COPS7B: variants seen among roughly 807,000 people sequenced by gnomAD.
COPS7B encodes COP9 signalosome subunit 7B.
Under a neutral mutation model 33.4 loss-of-function variants are expected in COPS7B, and 9 were observed. The observed-to-expected ratio is 0.27, with a 90% CI of 0.16 to 0.47. The LOEUF (loss-of-function observed/expected upper bound fraction) is 0.47, where lower values mean the gene tolerates loss of function less well. Among genes scored for constraint, COPS7B ranks in the 20% least tolerant of loss-of-function variants. COPS7B has a pLI of 0.99. For missense variants in COPS7B, 242 were observed against 318.2 expected (o/e 0.76, Z 1.82); for synonymous variants, 119 against 126.3 (o/e 0.94, Z 0.39).
At chr2:231,792,091 G>A in intron 3 of COPS7B, 1 of 604,520 alleles carries the variant, frequency 1.7e-6, no homozygotes, top group Non-Finnish European at 3.2e-6. Context: ...AGGGCTCTTG[G>A]AGTGCTGTGA....
chr2:231,807,591 G>A lies in COPS7B; in HGVS notation c.741G>A (p.Arg247=), dbSNP rs375373630. The change falls in exon 7 of 7, where the codon AGG becomes AGA. Residue 247 remains arginine (R), a synonymous_variant. Transcript: ENST00000350033. Reference sequence around the variant, plus strand: ...AGTGTCCCCCTCACGCTGAGCAGAGGCAGCCCACCAAGAAGATGTCCAAAG... The same window carrying A: ...AGTGTCCCCCTCACGCTGAGCAGAGACAGCCCACCAAGAAGATGTCCAAAG... The part of the protein sequence containing the change: ...ERECPPHAEQ[R]QPTKKMSKVK... The A allele has an allele frequency of 1.0e-5, 16 of 1,594,762 alleles. No homozygotes were observed. The African/African-American group carries it at 1.7e-4, about 17-fold the overall frequency.
chr2:231,787,246 A>G (rs1278277543), intron 1 of COPS7B, among the ~76,000 whole-genome samples: 1 of 152,078 alleles, frequency 6.6e-6, no homozygotes, highest in East Asian at 1.9e-4. Flanking sequence ...TTCTTAGGTA[A>G]CCCTAAGTGA....
intron 6 of COPS7B, among the ~76,000 whole-genome samples, chr2:231,803,746 C>G (rs1479237388): frequency 6.6e-6 from 1 of 152,202 alleles, no homozygotes; most frequent in African/African-American, 2.4e-5. Flanking sequence ...CCTTCTGTGA[C>G]TGCAGAAGGA....
At chr2:231,789,270 C>A (rs981635684) in intron 2 of COPS7B, 1 of 152,678 alleles carries the variant, frequency 6.5e-6, no homozygotes, top group African/African-American at 2.4e-5. Context: ...TTATTAAAAC[C>A]TTGGATATCC....
chr2:231,804,391 G>A lies in COPS7B; in HGVS notation c.637-3096G>A, dbSNP rs192238799. 1.7e-3 allele frequency among the ~76,000 whole-genome samples: 253 copies of A among 152,048 alleles called. 3 individuals carry two copies. Among genetic ancestry groups the A allele is most frequent in the South Asian group, 0.017 (80 of 4,812 alleles). On this transcript the variant is annotated intron_variant, in intron 6 of 6. Transcript: ENST00000350033. Reference sequence around the variant, plus strand: ...GCGTCCCGAGTAGCTGGGACTACAGGTGCCCGCCACGTCACCCGGCTAACT... The same window carrying A: ...GCGTCCCGAGTAGCTGGGACTACAGATGCCCGCCACGTCACCCGGCTAACT...
chr2:231,791,462 A>ATG (rs763631279), intron 2 of COPS7B: 17 of 444,254 alleles, frequency 3.8e-5, no homozygotes, highest in Non-Finnish European at 7.0e-5. Flanking sequence ...AATGCTTTGT[A>ATG]TGTGTGTGTG....
chr2:231,792,678 A>G (rs1472173176), intron 3 of COPS7B, among the ~76,000 whole-genome samples: 2 of 152,112 alleles, frequency 1.3e-5, no homozygotes, highest in African/African-American at 4.8e-5. Flanking sequence ...AATATTTTTA[A>G]TATTTCATAA....
chr2:231,789,201 T>A (rs1321555987), intron 2 of COPS7B: 2 of 154,798 alleles, frequency 1.3e-5, no homozygotes, highest in Non-Finnish European at 2.9e-5. Context: ...ATGTGTTAGA[T>A]GTGTTAGATA....
At chr2:231,785,142 C>T (rs1246102056), upstream of COPS7B, among the ~76,000 whole-genome samples, 1 of 152,208 alleles carries the variant, frequency 6.6e-6, no homozygotes. Context: ...AAATCGGTCA[C>T]CTCACCGGAG....
chr2:231,799,323 G>C (rs1221244482), intron 6 of COPS7B, among the ~76,000 whole-genome samples: 1 of 152,192 alleles, frequency 6.6e-6, no homozygotes, highest in Non-Finnish European at 1.5e-5. Context: ...TGGAGTGGAG[G>C]GAGGGGTACA....
intron 3 of COPS7B, chr2:231,792,178 T>A (rs1181904105): frequency 4.4e-6 from 2 of 457,554 alleles, no homozygotes; most frequent in East Asian, 1.4e-4. Context: ...TGAAGAAAAT[T>A]TGGAAAATAG....
chr2:231,807,372 T>G, intron 6 of COPS7B, 115 bp from the exon 7 acceptor site: 1 of 1,008,452 alleles, frequency 9.9e-7, no homozygotes, highest in Non-Finnish European at 1.4e-6. Flanking sequence ...CTGAAGAGAA[T>G]TTCAGGTTTT....
At position 231,808,589 on chromosome 2, in the gene COPS7B, T is replaced by C. The variant is rs2049962697; in HGVS notation, c.*944T>C. On this transcript the variant is annotated 3_prime_UTR_variant, in exon 7 of 7. Transcript: ENST00000350033. ...CTCCTTGGCTGATGACCCAGAGCCCTCTGATGATGGCATTCTCCTGGCAAG... is the reference window on the plus strand; with the variant it reads ...CTCCTTGGCTGATGACCCAGAGCCCCCTGATGATGGCATTCTCCTGGCAAG... The C allele has an allele frequency of 2.1e-6, 1 of 467,384 alleles. No individual in the cohort carries two copies. The highest frequency in any genetic ancestry group is 2.0e-5 in the African/African-American group (1 of 49,780). The allele number at this position is 467,384 out of a possible 1,614,324, so 29.0% of individuals were successfully genotyped here.
intron 6 of COPS7B, among the ~76,000 whole-genome samples, chr2:231,805,175 T>TA (rs1334916831): frequency 1.3e-5 from 2 of 151,864 alleles, no homozygotes; most frequent in Non-Finnish European, 2.9e-5. Flanking sequence ...TTCTATTTTT[T>TA]AAAAAAAGTC....
Position 231,808,125 on chromosome 2 carries a change from A to G in COPS7B, c.*480A>G. On this transcript the variant is annotated 3_prime_UTR_variant, in exon 7 of 7. Coordinates refer to ENST00000350033, the MANE Select transcript of COPS7B (RefSeq NM_022730.4). ...GTGCAGTGATTTCTAGCCAGGCGTCAAGATGCGCTGCTTTCCCTCTCCTGC... is the reference window on the plus strand; with the variant it reads ...GTGCAGTGATTTCTAGCCAGGCGTCGAGATGCGCTGCTTTCCCTCTCCTGC... 1 of 248,378 alleles carries G rather than the reference A, an allele frequency of 4.0e-6. No homozygotes were observed. Among genetic ancestry groups the G allele is most frequent in the Non-Finnish European group, 8.0e-6 (1 of 125,574 alleles). The allele number at this position is 248,378 out of a possible 1,614,324, so 15.4% of individuals were successfully genotyped here. A position where few individuals can be genotyped will look rare whatever the true frequency, so the allele number is the denominator to read the frequency against.
upstream of COPS7B, among the ~76,000 whole-genome samples, chr2:231,783,565 G>A (rs796152293): frequency 3.9e-5 from 6 of 152,230 alleles, no homozygotes; most frequent in African/African-American, 1.2e-4. Flanking sequence ...GTCCTCTTTC[G>A]TGAAGTGCCT....
At chr2:231,791,037 C>G (rs55677224) in intron 2 of COPS7B, 1 of 154,582 alleles carries the variant, frequency 6.5e-6, no homozygotes, top group Non-Finnish European at 1.5e-5. Context: ...CGCGCCCGGC[C>G]CACGTTTGTG....
intron 2 of COPS7B, chr2:231,791,462 ATGTG>A (rs763631279): frequency 2.3e-6 from 1 of 444,250 alleles, no homozygotes; most frequent in African/African-American, 2.0e-5. Context: ...AATGCTTTGT[ATGTG>A]TGTGTGAGAG....
At chr2:231,795,487 C>T (rs964865416) in intron 4 of COPS7B, among the ~76,000 whole-genome samples, 4 of 152,098 alleles carry the variant, frequency 2.6e-5, no homozygotes, top group Non-Finnish European at 5.9e-5. Context: ...AGGACCTGAC[C>T]TTTTTTCTTG....
Sources: gnomAD v4.1 joint callset for allele counts (sites outside exome capture counted in the v4.1 genomes callset) on GRCh38, gnomAD v4.1.1 for gene constraint, MANE v1.5 for transcripts, NCBI Gene and HGNC (gene_info 2026-07-23, HGNC 2026-07-21) for gene names.